TTLL1: variants seen among roughly 807,000 people sequenced by gnomAD.
The protein encoded by TTLL1 is polyglutamylase complex subunit TTLL1.
Under a neutral mutation model 47.8 loss-of-function variants are expected in TTLL1, and 33 were observed. The ratio of observed to expected loss-of-function variants is 0.69; its 90% CI spans 0.52 to 0.92. TTLL1 has a LOEUF of 0.92. TTLL1 is among the 40% of genes least tolerant of loss of function. The probability of loss-of-function intolerance (pLI) is 0.00; values close to 1 mark genes in which losing one functional copy is unlikely to be tolerated. For synonymous variants in TTLL1, 225 were observed against 214.1 expected, an observed-to-expected ratio of 1.05 and a Z score of -0.45; for missense variants, 488 against 547.5, an observed-to-expected ratio of 0.89 and a Z score of 1.08.
intron 2 of TTLL1, among the ~76,000 whole-genome samples, chr22:43,077,272 T>A (rs1334351852): frequency 6.6e-6 from 1 of 152,072 alleles, no homozygotes; most frequent in Non-Finnish European, 1.5e-5. Context: ...CTGCCCACTC[T>A]CTCTCCTGCC....
At chr22:43,061,284 G>A (rs994996417) in intron 7 of TTLL1, among the ~76,000 whole-genome samples, 1 of 152,194 alleles carries the variant, frequency 6.6e-6, no homozygotes, top group African/African-American at 2.4e-5. Flanking sequence ...AAGGGGAAGC[G>A]AGTTAGGCCA....
intron 1 of TTLL1, among the ~76,000 whole-genome samples, chr22:43,082,086 A>G (rs1928934164): frequency 6.6e-6 from 1 of 151,002 alleles, no homozygotes; most frequent in Non-Finnish European, 1.5e-5. Context: ...TCCTGACCTC[A>G]AGTGATCCAT....
intron 7 of TTLL1, among the ~76,000 whole-genome samples, chr22:43,060,407 A>G (rs1927316371): frequency 6.6e-6 from 1 of 152,200 alleles, no homozygotes; most frequent in African/African-American, 2.4e-5. Flanking sequence ...CCTGCTCCAC[A>G]GCGCCCCACG....
At chr22:43,058,582 G>A (rs529154995) in intron 8 of TTLL1, among the ~76,000 whole-genome samples, 1 of 152,250 alleles carries the variant, frequency 6.6e-6, no homozygotes, top group African/African-American at 2.4e-5. Context: ...AGGCTAGCCC[G>A]GCTCACCCCG....
Position 43,039,916 on chromosome 22 carries a change from A to G in TTLL1, c.1143-11T>C, listed in dbSNP as rs1264490871. 6 of 1,612,384 alleles carry G rather than the reference A, an allele frequency of 3.7e-6. No homozygotes were observed. The highest frequency in any genetic ancestry group is 4.2e-6 in the Non-Finnish European group (5 of 1,179,180). ...AATTCTTCATCATACCTGGAGACAG[A>G]AACAGCCAGGATCACGGCAGGCTCT... On this transcript the variant is annotated splice_polypyrimidine_tract_variant and intron_variant, in intron 10 of 10. Transcript: ENST00000266254.
chr22:43,084,387 T>C (rs1244047870), intron 1 of TTLL1, among the ~76,000 whole-genome samples: 1 of 152,150 alleles, frequency 6.6e-6, no homozygotes, highest in Non-Finnish European at 1.5e-5. Context: ...TAACCTCACG[T>C]GATCCATCCA....
intron 8 of TTLL1, among the ~76,000 whole-genome samples, chr22:43,058,464 C>T (rs1274559440): frequency 6.6e-6 from 1 of 152,170 alleles, no homozygotes; most frequent in African/African-American, 2.4e-5. Context: ...ACAGACAAGA[C>T]GCTGCTGGAA....
intron 2 of TTLL1, among the ~76,000 whole-genome samples, chr22:43,078,088 C>G (rs1008224664): frequency 6.6e-6 from 1 of 151,554 alleles, no homozygotes; most frequent in Non-Finnish European, 1.5e-5. Context: ...ACCTGGGGGA[C>G]AGAGTGAGAC....
intron 9 of TTLL1, among the ~76,000 whole-genome samples, chr22:43,047,604 G>A (rs1198673188): frequency 6.6e-6 from 1 of 152,038 alleles, no homozygotes; most frequent in African/African-American, 2.4e-5. Context: ...GGGTAGCTGG[G>A]ATTACAGGCA....
chr22:43,066,116 A>G (rs6003027), intron 5 of TTLL1, among the ~76,000 whole-genome samples: 101,862 of 148,838 alleles, frequency 0.68, 36,901 homozygotes, highest in African/African-American at 0.92. Flanking sequence ...CTGAGATCGC[A>G]CCACTGCAGT....
At chr22:43,079,813 G>A (rs1038676108) in intron 2 of TTLL1, 89 bp downstream of exon 2, 1 of 152,284 alleles carries the variant, frequency 6.6e-6, no homozygotes, top group African/African-American at 2.4e-5. Flanking sequence ...GCTTTAGCCA[G>A]ACCATCAGGT....
chr22:43,063,623 G>C (rs767853110), intron 7 of TTLL1, among the ~76,000 whole-genome samples, 190 bp downstream of exon 7: 1 of 151,760 alleles, frequency 6.6e-6, no homozygotes, highest in African/African-American at 2.4e-5. Flanking sequence ...AGCCACCATG[G>C]TAATTTCCGT....
Position 43,069,713 on chromosome 22 carries a change from T to C in TTLL1, c.245A>G (p.Lys82Arg), listed in dbSNP as rs1279254182. The C allele has an allele frequency of 6.2e-7, 1 of 1,614,250 alleles. No homozygotes were observed. The highest frequency in any genetic ancestry group is 8.5e-7 in the Non-Finnish European group (1 of 1,180,048). The change falls in exon 4 of 11, where the codon AAA (lysine) becomes AGA (arginine). Residue 82 changes from lysine to arginine, a missense_variant. Transcript: ENST00000266254. Reference sequence around the variant, plus strand: ...TTTCTCCAGCTCCTTCCTGTATCTTTTGATGTTCTTCACCATCAGGTCCTT... The same window carrying C: ...TTTCTCCAGCTCCTTCCTGTATCTTCTGATGTTCTTCACCATCAGGTCCTT... ...TRKDLMVKNI[K>R]RYRKELEKEG...
chr22:43,068,708 A>G (rs776622233), intron 4 of TTLL1, 118 bp from the exon 5 acceptor site: 4 of 867,074 alleles, frequency 4.6e-6, no homozygotes, highest in Non-Finnish European at 6.5e-6. Flanking sequence ...ACCGCAACCC[A>G]GCAGCTAACA....
chr22:43,043,923 C>T lies in TTLL1; in HGVS notation c.1142+2487G>A, dbSNP rs541772364. On this transcript the variant is annotated intron_variant, in intron 10 of 10. Transcript: ENST00000266254. ...GGCAATGACCAAACAGATGAAACCCCCAACTCCCTGACCTCTGGTGACCCT... is the reference window on the plus strand; with the variant it reads ...GGCAATGACCAAACAGATGAAACCCTCAACTCCCTGACCTCTGGTGACCCT... Among the ~76,000 whole-genome samples the T allele has an allele frequency of 3.3e-5, 5 of 152,200 alleles. No individual in the cohort carries two copies. The South Asian group carries it at 1.0e-3, about 32-fold the overall frequency.
intron 3 of TTLL1, among the ~76,000 whole-genome samples, chr22:43,074,507 C>T (rs1007281849): frequency 6.6e-6 from 1 of 151,496 alleles, no homozygotes; most frequent in African/African-American, 2.4e-5. Flanking sequence ...CACTGTTTAG[C>T]CTTTTTCTTC....
At chr22:43,059,941 T>C (rs1183869247) in intron 7 of TTLL1, among the ~76,000 whole-genome samples, 2 of 152,174 alleles carry the variant, frequency 1.3e-5, no homozygotes, top group African/African-American at 4.8e-5. Context: ...CCTCCTGCCT[T>C]GGCCTCCCAA....
At chr22:43,060,684 G>C (rs892720214) in intron 7 of TTLL1, among the ~76,000 whole-genome samples, 1 of 152,170 alleles carries the variant, frequency 6.6e-6, no homozygotes, top group Non-Finnish European at 1.5e-5. Context: ...CCACTTCTGA[G>C]CTCTTCCTGT....
chr22:43,061,204 C>G (rs1342964276), intron 7 of TTLL1, among the ~76,000 whole-genome samples: 1 of 151,854 alleles, frequency 6.6e-6, no homozygotes, highest in African/African-American at 2.4e-5. Flanking sequence ...AACTAATAAT[C>G]ATAAATACAT....
Sources: allele counts gnomAD v4.1 joint callset (sites outside exome capture counted in the v4.1 genomes callset), GRCh38; gene constraint gnomAD v4.1.1; transcripts MANE v1.5; gene names NCBI Gene and HGNC (gene_info 2026-07-23, HGNC 2026-07-21).